The following SVOP variants were observed in gnomAD, a reference collection of about 807,000 sequenced individuals.
SVOP encodes the protein synaptic vesicle 2-related protein.
Under a neutral mutation model 69.1 loss-of-function variants are expected in SVOP, and 17 were observed. The ratio of observed to expected loss-of-function variants is 0.25; its 90% CI spans 0.17 to 0.37. The LOEUF (loss-of-function observed/expected upper bound fraction) is 0.37, where lower values mean the gene tolerates loss of function less well. Among genes scored for constraint, SVOP ranks in the 10% least tolerant of loss-of-function variants. The pLI, the probability that SVOP is intolerant of heterozygous loss-of-function variation, is 1.00. For missense variants in SVOP, 435 were observed against 597.5 expected, an observed-to-expected ratio of 0.73 and a Z score of 2.84; for synonymous variants, 238 against 238.6, an observed-to-expected ratio of 1.00 and a Z score of 0.02.
chr12:108,967,215 C>T (rs1267514681), intron 5 of SVOP, among the ~76,000 whole-genome samples: 1 of 152,110 alleles, frequency 6.6e-6, no homozygotes, highest in Non-Finnish European at 1.5e-5. Flanking sequence ...GAAATGAGGG[C>T]TGAGGCCAGG....
chr12:108,982,727 ATCAC>A (rs1362273643), intron 2 of SVOP, among the ~76,000 whole-genome samples: 1 of 151,666 alleles, frequency 6.6e-6, no homozygotes, highest in Non-Finnish European at 1.5e-5. Flanking sequence ...CATCATCATC[ATCAC>A]TATCATCATC....
intron 5 of SVOP, among the ~76,000 whole-genome samples, chr12:108,969,284 C>T (rs542327619): frequency 4.0e-5 from 6 of 149,210 alleles, no homozygotes; most frequent in Non-Finnish European, 8.9e-5. Flanking sequence ...CCTTCTCCCC[C>T]TTCCTCACTC....
At chr12:108,973,625 C>G (rs2040091479) in intron 4 of SVOP, among the ~76,000 whole-genome samples, 1 of 152,098 alleles carries the variant, frequency 6.6e-6, no homozygotes, top group Non-Finnish European at 1.5e-5. Context: ...TCTCTAACTC[C>G]TTGCTTCAAG....
At chr12:108,986,042 G>A (rs1566062945) in intron 1 of SVOP, among the ~76,000 whole-genome samples, 1 of 152,196 alleles carries the variant, frequency 6.6e-6, no homozygotes, top group Non-Finnish European at 1.5e-5. Context: ...TCTTGGCAGG[G>A]AAATGCAGGG....
At position 108,960,876 on chromosome 12, in the gene SVOP, G is replaced by A. The variant is rs1334854829; in HGVS notation, c.578+47C>T. ...CCTGATCCAGACCATGAACAGACAC[G>A]TGGATGGGCAGCCTGGCTGCATAGC... On this transcript the variant is annotated intron_variant, in intron 6 of 15. Transcript: ENST00000610966. 1.6e-5 allele frequency: 25 copies of A among 1,529,636 alleles called. No homozygotes were observed. The South Asian group carries it at 2.0e-4, about 13-fold the overall frequency. 94.8% of individuals were successfully genotyped at this position (1,529,636 alleles called of 1,614,324 possible).
Position 108,977,502 on chromosome 12 carries a change from GA to G in SVOP, c.283-7del. On this transcript the variant is annotated splice_region_variant and splice_polypyrimidine_tract_variant and intron_variant, in intron 3 of 15. Coordinates refer to ENST00000610966, the MANE Select transcript of SVOP (RefSeq NM_018711.5). ...ATCTCCATGGCATCAGCCATCTGCA[GA>G]GAGGACGGAGACATCATGAGGCCAG... 1 of 1,518,934 alleles carries G rather than the reference GA, an allele frequency of 6.6e-7. No homozygotes were observed. Among genetic ancestry groups the G allele is most frequent in the Non-Finnish European group, 8.8e-7 (1 of 1,130,240 alleles). The allele number at this position is 1,518,934 out of a possible 1,614,324, so 94.1% of individuals were successfully genotyped here. A position where few individuals can be genotyped will look rare whatever the true frequency, so the allele number is the denominator to read the frequency against.
chr12:108,957,781 G>A (rs2039993946), intron 6 of SVOP, among the ~76,000 whole-genome samples: 2 of 152,240 alleles, frequency 1.3e-5, no homozygotes, highest in South Asian at 2.1e-4. Context: ...CAGGTAAACC[G>A]TCTAGATCAG....
chr12:108,973,536 T>C (rs1351719606), intron 4 of SVOP, among the ~76,000 whole-genome samples: 1 of 152,098 alleles, frequency 6.6e-6, no homozygotes, highest in Non-Finnish European at 1.5e-5. Flanking sequence ...AGACTACAGG[T>C]GTGCACCACC....
chr12:109,007,392 C>T (rs186016995), intron 1 of SVOP, among the ~76,000 whole-genome samples: 117 of 152,302 alleles, frequency 7.7e-4, no homozygotes, highest in African/African-American at 2.7e-3. Flanking sequence ...AGGAGATGAA[C>T]CTCTTCTTCA....
chr12:108,946,220 T>G (rs1391397178), intron 6 of SVOP, among the ~76,000 whole-genome samples: 1 of 151,828 alleles, frequency 6.6e-6, no homozygotes, highest in African/African-American at 2.4e-5. Context: ...CCTCCAAGAC[T>G]ACAAGTGCTA....
Position 108,931,832 on chromosome 12 carries a change from CA to C in SVOP, c.1048+2362del, listed in dbSNP as rs34806582. 9.6e-3 allele frequency among the ~76,000 whole-genome samples: 1,213 copies of C among 126,428 alleles called. 8 individuals are homozygous for C. The highest frequency in any genetic ancestry group is 0.018 in the African/African-American group (543 of 29,988). 82.9% of individuals were successfully genotyped at this position (126,428 alleles called of 152,430 possible). On this transcript the variant is annotated intron_variant, in intron 11 of 15. Transcript: ENST00000610966. The stretch of plus-strand genomic sequence containing the variant: ...CTGGCGACTGAGCGAGACTCCGTCT[CA>C]AAAAAAAAAAAAAAAATGCTTCCCG...
chr12:108,921,320 T>A (rs2039746754), intron 12 of SVOP, among the ~76,000 whole-genome samples: 1 of 152,116 alleles, frequency 6.6e-6, no homozygotes, highest in East Asian at 1.9e-4. Context: ...GCAGCACAGG[T>A]CTTAGCGCTG....
chr12:108,974,665 A>T (rs2040096993), intron 4 of SVOP, among the ~76,000 whole-genome samples: 1 of 151,966 alleles, frequency 6.6e-6, no homozygotes, highest in African/African-American at 2.4e-5. Context: ...TAGAAGGCGA[A>T]GGTTGCAGTG....
chr12:108,926,827 G>A (rs2039783376), intron 11 of SVOP, among the ~76,000 whole-genome samples: 1 of 152,166 alleles, frequency 6.6e-6, no homozygotes, highest in South Asian at 2.1e-4. Flanking sequence ...CCTCTTATTT[G>A]TGTTAGTAGA....
At chr12:108,989,174 A>T (rs1035131987) in intron 1 of SVOP, among the ~76,000 whole-genome samples, 4 of 151,732 alleles carry the variant, frequency 2.6e-5, no homozygotes, top group Non-Finnish European at 5.9e-5. Context: ...GATTCAAGTG[A>T]TCCTCCTGCC....
chr12:109,017,512 T>C (rs145481828), intron 1 of SVOP, among the ~76,000 whole-genome samples: 1 of 152,282 alleles, frequency 6.6e-6, no homozygotes, highest in African/African-American at 2.4e-5. Context: ...TTAGTATGAC[T>C]GAGGGACAGA....
intron 1 of SVOP, 68 bp downstream of exon 1, chr12:109,020,766 C>T (rs1233123626): frequency 9.7e-6 from 4 of 413,128 alleles, no homozygotes; most frequent in East Asian, 8.5e-5. Flanking sequence ...CCCCCCCCAC[C>T]CCCCTTGCAG....
rs139821115 is a variant in SVOP, at chr12:109,010,938, G to A, written c.35+9896C>T. 2.4e-3 allele frequency among the ~76,000 whole-genome samples: 359 copies of A among 151,316 alleles called. 1 individual carries two copies. Among genetic ancestry groups the A allele is most frequent in the African/African-American group, 8.3e-3 (344 of 41,246 alleles). On this transcript the variant is annotated intron_variant, in intron 1 of 15. Coordinates refer to ENST00000610966, the MANE Select transcript of SVOP (RefSeq NM_018711.5). ...GTTTTCTGTTTTGTTTTTTGAGGCA[G>A]GGTCTCGCTCTGTCATCCAGGCTGG...
At position 108,912,222 on chromosome 12, in the gene SVOP, C is replaced by G. The variant is rs760961743; in HGVS notation, c.*313G>C. 31 of 1,238,776 alleles carry G rather than the reference C, an allele frequency of 2.5e-5. No individual in the cohort carries two copies. Among genetic ancestry groups the G allele is most frequent in the Non-Finnish European group, 3.1e-5 (31 of 984,370 alleles). 76.7% of individuals were successfully genotyped at this position (1,238,776 alleles called of 1,614,324 possible). On this transcript the variant is annotated 3_prime_UTR_variant, in exon 16 of 16. Transcript: ENST00000610966. Reference sequence around the variant, plus strand: ...TCACTGAGGGTTTGGCCGGGTGACTCTGGGTGGTGTCTGATTGGTTGCTGG... The same window carrying G: ...TCACTGAGGGTTTGGCCGGGTGACTGTGGGTGGTGTCTGATTGGTTGCTGG...
Sources: allele counts gnomAD v4.1 joint callset (sites outside exome capture counted in the v4.1 genomes callset), GRCh38; gene constraint gnomAD v4.1.1; transcripts MANE v1.5; gene names NCBI Gene and HGNC (gene_info 2026-07-23, HGNC 2026-07-21).